Variants in XPR1 observed in about 807,000 individuals in gnomAD.
XPR1 encodes xenotropic and polytropic retrovirus receptor 1, also known as solute carrier family 53 member 1.
Under a neutral mutation model 87.5 loss-of-function variants are expected in XPR1, and 28 were observed. That is an observed-to-expected ratio of 0.32 (90% CI 0.24 to 0.44). XPR1 has a LOEUF of 0.44. Ranked by LOEUF, XPR1 falls within the 20% of genes least tolerant of loss-of-function variation. The pLI is 1.00. For synonymous variants in XPR1, 300 were observed against 306.1 expected (o/e 0.98, Z 0.21); for missense variants, 559 against 862.3 (o/e 0.65, Z 4.41).
chr1:180,634,090 T>C (rs1271929400), intron 1 of XPR1, among the ~76,000 whole-genome samples: 2 of 152,230 alleles, frequency 1.3e-5, no homozygotes, highest in Non-Finnish European at 2.9e-5. Flanking sequence ...GTCAGTTTTG[T>C]GGCTGGAGAA....
At position 180,884,882 on chromosome 1, in the gene XPR1, T is replaced by C. The variant is rs1652961825; in HGVS notation, c.*816T>C. ...TTTTTATTTTAAGCCAAAGTTTCAT[T>C]GCTAACTTCTTAAGTTGCTGCTGCT... On this transcript the variant is annotated 3_prime_UTR_variant, in exon 15 of 15. Coordinates refer to ENST00000367590, the MANE Select transcript of XPR1 (RefSeq NM_004736.4). The C allele has an allele frequency of 6.6e-6, 1 of 152,458 alleles. No individual in the cohort carries two copies. The highest frequency in any genetic ancestry group is 1.5e-5 in the Non-Finnish European group (1 of 68,058). The allele number at this position is 152,458 out of a possible 1,614,324, so 9.4% of individuals were successfully genotyped here.
At chr1:180,740,666 G>A (rs889241146) in intron 2 of XPR1, among the ~76,000 whole-genome samples, 14 of 152,064 alleles carry the variant, frequency 9.2e-5, no homozygotes, top group Non-Finnish European at 1.8e-4. Context: ...TAGTATTGAC[G>A]TCCTAAAATG....
intron 2 of XPR1, among the ~76,000 whole-genome samples, chr1:180,784,534 T>C (rs1315313923): frequency 6.6e-6 from 1 of 152,138 alleles, no homozygotes; most frequent in African/African-American, 2.4e-5. Flanking sequence ...TGTGGTGTTT[T>C]ATGGAATGGA....
At chr1:180,659,061 C>G (rs1157613512) in intron 1 of XPR1, among the ~76,000 whole-genome samples, 1 of 152,032 alleles carries the variant, frequency 6.6e-6, no homozygotes, top group Non-Finnish European at 1.5e-5. Flanking sequence ...GGATATTGGC[C>G]TGTAGCCAGT....
intron 11 of XPR1, among the ~76,000 whole-genome samples, chr1:180,849,051 G>A (rs892406513): frequency 4.6e-5 from 7 of 152,146 alleles, no homozygotes; most frequent in East Asian, 1.9e-4. Flanking sequence ...ACACATGTGC[G>A]TATAATATGT....
intron 2 of XPR1, among the ~76,000 whole-genome samples, chr1:180,719,323 A>G (rs975299902): frequency 1.4e-4 from 22 of 152,280 alleles, no homozygotes; most frequent in African/African-American, 5.1e-4. Flanking sequence ...TTATGAAACA[A>G]TAAAGAAAAA....
intron 2 of XPR1, among the ~76,000 whole-genome samples, chr1:180,695,422 G>A (rs1465736356): frequency 6.0e-5 from 9 of 150,856 alleles, no homozygotes; most frequent in African/African-American, 2.2e-4. Flanking sequence ...GTGTGTGTGT[G>A]TGTGTGTGTG....
intron 1 of XPR1, among the ~76,000 whole-genome samples, chr1:180,643,196 G>A (rs1655011107): frequency 6.6e-6 from 1 of 152,142 alleles, no homozygotes; most frequent in Admixed American, 6.5e-5. Context: ...ACTTTGGAGA[G>A]TGCAAGACCA....
chr1:180,819,511 T>C (rs1478323009), intron 7 of XPR1, among the ~76,000 whole-genome samples: 1 of 152,206 alleles, frequency 6.6e-6, no homozygotes, highest in African/African-American at 2.4e-5. Context: ...AATATGTGTT[T>C]AGATTTTATA....
intron 2 of XPR1, among the ~76,000 whole-genome samples, chr1:180,695,441 T>TGTGTATGC (rs58500075): frequency 6.7e-6 from 1 of 150,114 alleles, no homozygotes; most frequent in Non-Finnish European, 1.5e-5. Flanking sequence ...TGTGTGTGTG[T>TGTGTATGC]ATGCGCGCGC....
chr1:180,882,121 C>A (rs1652866251), intron 14 of XPR1, among the ~76,000 whole-genome samples: 1 of 152,196 alleles, frequency 6.6e-6, no homozygotes, highest in Non-Finnish European at 1.5e-5. Context: ...GCAATCTAAA[C>A]ATATACTATT....
chr1:180,735,049 A>G (rs1658684337), intron 2 of XPR1, among the ~76,000 whole-genome samples: 1 of 152,242 alleles, frequency 6.6e-6, no homozygotes, highest in South Asian at 2.1e-4. Context: ...TGACTTACTC[A>G]TAGGAATTGG....
At chr1:180,740,423 ATG>A (rs374118673) in intron 2 of XPR1, among the ~76,000 whole-genome samples, 260 of 150,906 alleles carry the variant, frequency 1.7e-3, no homozygotes, top group African/African-American at 6.0e-3. Context: ...TCATATGACC[ATG>A]TTTTTTTTTT....
chr1:180,680,010 A>G (rs935849886), intron 1 of XPR1, among the ~76,000 whole-genome samples: 8 of 152,210 alleles, frequency 5.3e-5, no homozygotes, highest in African/African-American at 1.9e-4. Context: ...TATCTAGAAT[A>G]TACAAGGAAC....
chr1:180,880,054 T>TC, intron 13 of XPR1, 22 bp from the exon 14 acceptor site: 1 of 1,613,278 alleles, frequency 6.2e-7, no homozygotes, highest in African/African-American at 1.3e-5. Flanking sequence ...ATAAGTACTT[T>TC]GATCTACCCC....
chr1:180,715,593 A>G (rs1478641567), intron 2 of XPR1, among the ~76,000 whole-genome samples: 1 of 152,236 alleles, frequency 6.6e-6, no homozygotes, highest in Non-Finnish European at 1.5e-5. Context: ...AGAAGATTAT[A>G]GGAGGTCTTG....
At position 180,640,453 on chromosome 1, in the gene XPR1, A is replaced by G. The variant is rs1654927858; in HGVS notation, c.69+8183A>G. On this transcript the variant is annotated intron_variant, in intron 1 of 14. Coordinates refer to ENST00000367590, the MANE Select transcript of XPR1 (RefSeq NM_004736.4). Reference sequence around the variant, plus strand: ...TAATTGTGGATAGCTAATTGTGGAGATTGTAAGAGCCCATGCTCTTAATTT... The same window carrying G: ...TAATTGTGGATAGCTAATTGTGGAGGTTGTAAGAGCCCATGCTCTTAATTT... 2.0e-5 allele frequency among the ~76,000 whole-genome samples: 3 copies of G among 152,232 alleles called. No homozygotes were observed. The South Asian group carries it at 6.2e-4, about 32-fold the overall frequency.
intron 14 of XPR1, among the ~76,000 whole-genome samples, chr1:180,881,593 A>G (rs559564509): frequency 2.6e-5 from 4 of 152,354 alleles, no homozygotes; most frequent in African/African-American, 7.2e-5. Flanking sequence ...ATGAAAAGCT[A>G]TGCAGTACTT....
At chr1:180,725,092 A>G (rs1438290726) in intron 2 of XPR1, among the ~76,000 whole-genome samples, 1 of 152,206 alleles carries the variant, frequency 6.6e-6, no homozygotes, top group African/African-American at 2.4e-5. Flanking sequence ...CCCTAAAGGT[A>G]TCGTACACAT....
Sources: gnomAD v4.1 joint callset for allele counts (sites outside exome capture counted in the v4.1 genomes callset) on GRCh38, gnomAD v4.1.1 for gene constraint, MANE v1.5 for transcripts, NCBI Gene and HGNC (gene_info 2026-07-23, HGNC 2026-07-21) for gene names.